TRAPPC6B: variants seen among roughly 807,000 people sequenced by gnomAD.
TRAPPC6B encodes TRAPP complex subunit 6B.
A neutral mutation model predicts 24.7 loss-of-function variants in TRAPPC6B; 27 were observed. The observed-to-expected ratio is 1.09, with a 90% CI of 0.81 to 1.51. The LOEUF (loss-of-function observed/expected upper bound fraction) is 1.51, where lower values mean the gene tolerates loss of function less well. TRAPPC6B is among the 40% of genes most tolerant of loss of function. The pLI is 0.00. For synonymous variants in TRAPPC6B, 80 were observed against 66.6 expected (o/e 1.20, Z -0.98); for missense variants, 212 against 190.8 (o/e 1.11, Z -0.66).
intron 1 of TRAPPC6B, among the ~76,000 whole-genome samples, chr14:39,161,622 C>T (rs919806152): frequency 1.3e-5 from 2 of 152,170 alleles, no homozygotes; most frequent in African/African-American, 2.4e-5. Flanking sequence ...TCGCTCACTC[C>T]GTGTCTGGCG....
At chr14:39,162,741 C>T (rs1229799837) in intron 1 of TRAPPC6B, among the ~76,000 whole-genome samples, 1 of 152,154 alleles carries the variant, frequency 6.6e-6, no homozygotes, top group Non-Finnish European at 1.5e-5. Context: ...GATTGCTTTG[C>T]TCTTTCTTTG....
chr14:39,151,017 T>G (rs1277717996), intron 5 of TRAPPC6B, among the ~76,000 whole-genome samples: 1 of 152,150 alleles, frequency 6.6e-6, no homozygotes, highest in East Asian at 1.9e-4. Context: ...AAAAGATCTT[T>G]AGGGAGACAT....
chr14:39,159,838 T>C (rs2053034677), intron 1 of TRAPPC6B, among the ~76,000 whole-genome samples: 1 of 152,142 alleles, frequency 6.6e-6, no homozygotes, highest in Non-Finnish European at 1.5e-5. Flanking sequence ...TTTAATTTAT[T>C]TTGAGATGGA....
At chr14:39,165,548 ACC>A (rs1178648158) in intron 1 of TRAPPC6B, among the ~76,000 whole-genome samples, 1 of 152,112 alleles carries the variant, frequency 6.6e-6, no homozygotes, top group Non-Finnish European at 1.5e-5. Flanking sequence ...TAATCCCAGC[ACC>A]GTAGGAGGCT....
chr14:39,162,937 A>C (rs1038285397), intron 1 of TRAPPC6B, among the ~76,000 whole-genome samples: 1 of 143,282 alleles, frequency 7.0e-6, no homozygotes, highest in Non-Finnish European at 1.5e-5. Flanking sequence ...TTTTGCATCA[A>C]CTCTTCCTCC....
At position 39,158,386 on chromosome 14, in the gene TRAPPC6B, C is replaced by T; in HGVS notation, c.166G>A (p.Ala56Thr). The change falls in exon 3 of 6, where the codon GCA becomes ACA. Residue 56 changes from alanine to threonine, a missense_variant. Physicochemically the swap from Ala to Thr is moderately conservative, Grantham distance 58. Transcript: ENST00000330149. The part of the protein sequence containing the change: ...GLIERFTKDT[A>T]RFKDELDIMK... The stretch of plus-strand genomic sequence containing the variant: ...ATATCTAACTCATCCTTGAACCTTG[C>T]AGTATCTTTTGTAAACCTAAAAAGA... 1 of 1,591,064 alleles carries T rather than the reference C, an allele frequency of 6.3e-7. No homozygotes were observed. The highest frequency in any genetic ancestry group is 8.5e-7 in the Non-Finnish European group (1 of 1,172,430).
intron 1 of TRAPPC6B, among the ~76,000 whole-genome samples, chr14:39,169,411 G>T (rs189006788): frequency 6.6e-6 from 1 of 152,266 alleles, no homozygotes; most frequent in Admixed American, 6.5e-5. Flanking sequence ...CAAGGATGGG[G>T]CCATTGTTTC....
intron 1 of TRAPPC6B, among the ~76,000 whole-genome samples, chr14:39,163,227 C>T (rs1470798991): frequency 2.0e-5 from 3 of 149,988 alleles, no homozygotes; most frequent in African/African-American, 7.6e-5. Context: ...AAAAATTAGC[C>T]GGGCATGGTG....
chr14:39,164,111 C>T (rs1434400123), intron 1 of TRAPPC6B, among the ~76,000 whole-genome samples: 1 of 143,464 alleles, frequency 7.0e-6, no homozygotes, highest in East Asian at 1.9e-4. Flanking sequence ...TATAGCTTTC[C>T]AACTGGTCTT....
chr14:39,157,508 A>G, intron 3 of TRAPPC6B: 1 of 393,478 alleles, frequency 2.5e-6, no homozygotes. Flanking sequence ...GAGGAGAACA[A>G]GAAGGCTCAG....
At position 39,158,283 on chromosome 14, in the gene TRAPPC6B, A is replaced by G; in HGVS notation, c.267+2T>C. The G allele has an allele frequency of 6.7e-7, 1 of 1,503,582 alleles. No homozygotes were observed. Among genetic ancestry groups the G allele is most frequent in the Non-Finnish European group, 9.1e-7 (1 of 1,102,168 alleles). 93.1% of individuals were successfully genotyped at this position (1,503,582 alleles called of 1,614,324 possible). ...AATATAGGCCTTAATTAATTTAATT[A>G]CCTGATGATTTGTCCTTAGATTGTC... is the stretch of plus-strand genomic sequence containing the variant. On this transcript the variant is annotated splice_donor_variant, in intron 3 of 5. Transcript: ENST00000330149. LOFTEE classifies it high-confidence loss of function.
chr14:39,161,712 C>T (rs1042746679), intron 1 of TRAPPC6B, among the ~76,000 whole-genome samples: 1 of 152,152 alleles, frequency 6.6e-6, no homozygotes, highest in Admixed American at 6.5e-5. Flanking sequence ...CAAACCAACC[C>T]ACCAGGTACA....
intron 1 of TRAPPC6B, among the ~76,000 whole-genome samples, chr14:39,165,938 G>A (rs1400748609): frequency 1.3e-5 from 2 of 152,090 alleles, no homozygotes; most frequent in African/African-American, 4.8e-5. Context: ...CGAGTAGCTG[G>A]GACTACATGC....
intron 2 of TRAPPC6B, 96 bp downstream of exon 2, chr14:39,159,387 A>C (rs2053027151): frequency 1.2e-6 from 1 of 830,246 alleles, no homozygotes; most frequent in Admixed American, 2.9e-5. Flanking sequence ...TCAGGAATTA[A>C]AATTAAAATA....
At chr14:39,153,169 G>A (rs1297664302) in intron 4 of TRAPPC6B, among the ~76,000 whole-genome samples, 4 of 151,332 alleles carry the variant, frequency 2.6e-5, no homozygotes, top group Admixed American at 6.6e-5. Flanking sequence ...GCGCACACCT[G>A]TAATCCCAGC....
intron 1 of TRAPPC6B, among the ~76,000 whole-genome samples, chr14:39,167,050 T>C (rs1279158357): frequency 6.6e-6 from 1 of 152,200 alleles, no homozygotes. Flanking sequence ...GCAGTTACAA[T>C]ATGCTTATAT....
intron 2 of TRAPPC6B, chr14:39,158,948 G>A (rs1008806886): frequency 1.3e-5 from 2 of 152,346 alleles, no homozygotes; most frequent in African/African-American, 2.4e-5. Flanking sequence ...AATTTCAGGT[G>A]CAATGCATTC....
chr14:39,158,442 CA>C, intron 2 of TRAPPC6B, 40 bp from the exon 3 acceptor site: 5 of 1,174,874 alleles, frequency 4.3e-6, no homozygotes, highest in East Asian at 2.4e-5. Flanking sequence ...ATTTCTCCTC[CA>C]AAAAAAGCAA....
intron 1 of TRAPPC6B, among the ~76,000 whole-genome samples, chr14:39,166,520 A>AT (rs1438292193): frequency 3.9e-5 from 6 of 152,172 alleles, no homozygotes; most frequent in Admixed American, 3.9e-4. Flanking sequence ...TTTGGGAGAA[A>AT]TTTAGTTTAT....
Sources: allele counts gnomAD v4.1 joint callset (sites outside exome capture counted in the v4.1 genomes callset), GRCh38; gene constraint gnomAD v4.1.1; transcripts MANE v1.5; gene names NCBI Gene and HGNC (gene_info 2026-07-23, HGNC 2026-07-21).